The following L3HYPDH variants were observed in gnomAD, a reference collection of about 807,000 sequenced individuals.
L3HYPDH encodes the protein trans-3-hydroxy-L-proline dehydratase.
A neutral mutation model predicts 26.5 loss-of-function variants in L3HYPDH; 32 were observed. That is an observed-to-expected ratio of 1.21 (90% CI 0.91 to 1.62). L3HYPDH has a LOEUF of 1.62. Ranked by LOEUF, L3HYPDH falls within the 40% of genes most tolerant of loss-of-function variation. The pLI is 0.00. For synonymous variants in L3HYPDH, 215 were observed against 196.6 expected (o/e 1.09, Z -0.78); for missense variants, 554 against 476.4 (o/e 1.16, Z -1.52).
the L3HYPDH span, among the ~76,000 whole-genome samples, chr14:59,502,303 T>A: frequency 1.3e-5 from 2 of 152,212 alleles, no homozygotes; most frequent in East Asian, 3.8e-4. Context: ...GTATAAAGTG[T>A]CTCAGTACTC....
chr14:59,500,611 A>G, the L3HYPDH span, among the ~76,000 whole-genome samples: 6,096 of 152,214 alleles, frequency 0.04, 161 homozygotes, highest in Non-Finnish European at 0.058. Flanking sequence ...AAGCTGAGTT[A>G]CTCTTATAGA....
At chr14:59,472,018 G>A (rs1023875679), downstream of L3HYPDH, among the ~76,000 whole-genome samples, 5 of 152,176 alleles carry the variant, frequency 3.3e-5, no homozygotes, top group Admixed American at 1.3e-4. Context: ...GATAAAGCCT[G>A]TTAAATGAAT....
chr14:59,499,228 A>G, the L3HYPDH span, among the ~76,000 whole-genome samples: 2 of 151,640 alleles, frequency 1.3e-5, no homozygotes, highest in Admixed American at 6.6e-5. Flanking sequence ...GGGTTTCACC[A>G]TGTTGGCCAC....
At chr14:59,466,768 G>A (rs1015243032) in intron 1 of L3HYPDH, among the ~76,000 whole-genome samples, 10 of 152,146 alleles carry the variant, frequency 6.6e-5, no homozygotes, top group African/African-American at 2.2e-4. Context: ...CAGCCTAAGC[G>A]TCATGGACTT....
chr14:59,483,561 C>T, intron 1 of L3HYPDH: 1 of 1,413,060 alleles, frequency 7.1e-7, no homozygotes, highest in Non-Finnish European at 9.2e-7. Flanking sequence ...GTCAGGGTAA[C>T]ACGCAATTCC....
chr14:59,473,361 G>A (rs970757461), intron 4 of L3HYPDH, among the ~76,000 whole-genome samples: 2 of 152,168 alleles, frequency 1.3e-5, no homozygotes, highest in African/African-American at 4.8e-5. Flanking sequence ...TGATTCCAGA[G>A]TCACTATGGG....
At chr14:59,495,863 A>G in the L3HYPDH span, among the ~76,000 whole-genome samples, 1 of 151,242 alleles carries the variant, frequency 6.6e-6, no homozygotes. Flanking sequence ...AAACAACCAG[A>G]TATCTTAGAA....
the L3HYPDH span, chr14:59,498,808 A>C: frequency 6.2e-7 from 1 of 1,610,500 alleles, no homozygotes; most frequent in African/African-American, 1.3e-5. Flanking sequence ...AGAAGATTGC[A>C]TGTGGGTTAG....
chr14:59,467,190 C>T (rs980450473), intron 1 of L3HYPDH, among the ~76,000 whole-genome samples: 1 of 149,080 alleles, frequency 6.7e-6, no homozygotes, highest in Non-Finnish European at 1.5e-5. Context: ...AGACTTTGTA[C>T]AAGAGGTGAC....
chr14:59,487,870 G>A, upstream of L3HYPDH: 2 of 1,560,124 alleles, frequency 1.3e-6, no homozygotes, highest in South Asian at 2.2e-5. Context: ...GACTAATGTT[G>A]GAATAATTAT....
At chr14:59,476,574 A>G (rs537088680) in intron 2 of L3HYPDH, among the ~76,000 whole-genome samples, 26 of 152,324 alleles carry the variant, frequency 1.7e-4, no homozygotes, top group Middle Eastern at 3.4e-3. Context: ...CTGCTCAAAC[A>G]GGATGAGCTA....
At chr14:59,489,153 G>A (rs1411239383), upstream of L3HYPDH, among the ~76,000 whole-genome samples, 4 of 151,956 alleles carry the variant, frequency 2.6e-5, no homozygotes, top group Non-Finnish European at 4.4e-5. Flanking sequence ...TGGCCAGGCT[G>A]CACATTTTCC....
intron 1 of L3HYPDH, among the ~76,000 whole-genome samples, chr14:59,482,193 A>T (rs937130960): frequency 2.0e-5 from 3 of 152,184 alleles, no homozygotes; most frequent in African/African-American, 7.2e-5. Context: ...GCAGACTGTG[A>T]TACTGAGGCA....
At position 59,479,283 on chromosome 14, in the gene L3HYPDH, C is replaced by T. The variant is rs1181043585; in HGVS notation, c.577G>A (p.Ala193Thr). 2.5e-6 allele frequency: 4 copies of T among 1,613,580 alleles called. No individual in the cohort carries two copies. The highest frequency in any genetic ancestry group is 2.7e-5 in the African/African-American group (2 of 74,856). ...VDIAYGGAFY[A>T]FVTAEKLGLD... ...CCTAACTTTTCAGCAGTAACAAATG[C>T]ATAAAATGCACCGCCATATGCAATG... Residue 193 changes from alanine (A) to threonine (T), a missense_variant, in exon 2 of 5, where the codon GCA becomes ACA. Coordinates refer to ENST00000247194, the MANE Select transcript of L3HYPDH (RefSeq NM_144581.2).
upstream of L3HYPDH, chr14:59,484,833 G>C: frequency 9.9e-7 from 1 of 1,008,762 alleles, no homozygotes; most frequent in East Asian, 2.6e-5. Context: ...TTGTTGTTTG[G>C]TCCGAAATGT....
chr14:59,502,670 A>G, the L3HYPDH span, among the ~76,000 whole-genome samples: 5 of 151,802 alleles, frequency 3.3e-5, no homozygotes, highest in African/African-American at 1.2e-4. Context: ...TAGGAAAATT[A>G]GTTTTGGCGC....
chr14:59,488,324 CATA>C (rs1468366339), upstream of L3HYPDH, among the ~76,000 whole-genome samples: 1 of 152,012 alleles, frequency 6.6e-6, no homozygotes, highest in East Asian at 1.9e-4. Context: ...GGCTTATAGT[CATA>C]ATCTTGTGGA....
chr14:59,486,596 A>C (rs1890594259), upstream of L3HYPDH: 1 of 700,306 alleles, frequency 1.4e-6, no homozygotes, highest in Admixed American at 2.7e-5. Context: ...ACTTTTGTCT[A>C]ATACATATTA....
At chr14:59,484,641 A>G, upstream of L3HYPDH, 13 of 1,565,052 alleles carry the variant, frequency 8.3e-6, no homozygotes, top group Non-Finnish European at 1.1e-5. Context: ...AGTCCCGACT[A>G]CTTTCCTACA....
Sources: allele counts gnomAD v4.1 joint callset (sites outside exome capture counted in the v4.1 genomes callset), GRCh38; gene constraint gnomAD v4.1.1; transcripts MANE v1.5; gene names NCBI Gene and HGNC (gene_info 2026-07-23, HGNC 2026-07-21).